Variants in GLDN observed in about 807,000 individuals in gnomAD.
GLDN encodes gliomedin.
GLDN carries 47 observed loss-of-function variants against 56.5 expected under a neutral mutation model. That is an observed-to-expected ratio of 0.83 (90% CI 0.66 to 1.06). The LOEUF (loss-of-function observed/expected upper bound fraction) is 1.06, where lower values mean the gene tolerates loss of function less well. Among genes scored for constraint, GLDN ranks in the 50% least tolerant of loss-of-function variants. GLDN has a pLI of 0.00. For missense variants in GLDN, 782 were observed against 714.3 expected (o/e 1.09, Z -1.08); for synonymous variants, 332 against 278.8 (o/e 1.19, Z -1.90).
At chr15:51,393,558 A>G (rs1398546392) in intron 4 of GLDN, among the ~76,000 whole-genome samples, 4 of 152,176 alleles carry the variant, frequency 2.6e-5, no homozygotes. Context: ...CTTCAGTCAC[A>G]GGTTCAAGGG....
intron 1 of GLDN, among the ~76,000 whole-genome samples, chr15:51,349,111 C>T (rs1332312215): frequency 2.6e-5 from 4 of 152,138 alleles, no homozygotes; most frequent in Non-Finnish European, 5.9e-5. Context: ...TCCCAGCAGG[C>T]GATTACAGCT....
chr15:51,375,583 G>A lies in GLDN; in HGVS notation c.364-1866G>A, dbSNP rs115930420. ...GTGTGGAGAATGGGAAGGGGTATAC[G>A]GTGGGTGTGAGGCAGCCAGATGTTT... On this transcript the variant is annotated intron_variant, in intron 1 of 9. Transcript: ENST00000335449. Among the ~76,000 whole-genome samples, 751 of 152,232 alleles carry A rather than the reference G, an allele frequency of 4.9e-3. 7 individuals carry two copies. The highest frequency in any genetic ancestry group is 0.017 in the African/African-American group (704 of 41,524).
chr15:51,371,184 C>T (rs2037509563), intron 1 of GLDN, among the ~76,000 whole-genome samples: 1 of 152,140 alleles, frequency 6.6e-6, no homozygotes, highest in Admixed American at 6.5e-5. Context: ...CTGCATTTTG[C>T]TTTCGTCACT....
chr15:51,368,688 T>C (rs2037455499), intron 1 of GLDN, among the ~76,000 whole-genome samples: 2 of 152,014 alleles, frequency 1.3e-5, no homozygotes, highest in Admixed American at 1.3e-4. Context: ...GCAGAAAGTC[T>C]CAAATTTACA....
downstream of GLDN, among the ~76,000 whole-genome samples, chr15:51,411,035 G>C (rs981445118): frequency 5.9e-5 from 9 of 152,208 alleles, no homozygotes; most frequent in Non-Finnish European, 2.9e-5. Context: ...CGGTAGAAAG[G>C]AAGGCATTAG....
intron 9 of GLDN, 99 bp from the exon 10 acceptor site, chr15:51,404,178 C>T (rs1038606058): frequency 5.5e-6 from 5 of 916,906 alleles, no homozygotes; most frequent in African/African-American, 1.7e-5. Flanking sequence ...CCAGCCCTCA[C>T]CCCAGACCCA....
chr15:51,348,192 C>T (rs558849071), intron 1 of GLDN, among the ~76,000 whole-genome samples: 1 of 152,284 alleles, frequency 6.6e-6, no homozygotes, highest in African/African-American at 2.4e-5. Flanking sequence ...AGGGACTGCA[C>T]CCACCTGAGG....
chr15:51,348,962 T>C (rs1357666640), intron 1 of GLDN, among the ~76,000 whole-genome samples: 2 of 152,214 alleles, frequency 1.3e-5, no homozygotes, highest in South Asian at 2.1e-4. Flanking sequence ...TTGAGGTCGA[T>C]GTGGTTTTTT....
chr15:51,355,811 C>T (rs1199470618), intron 1 of GLDN, among the ~76,000 whole-genome samples: 2 of 150,530 alleles, frequency 1.3e-5, no homozygotes, highest in Admixed American at 6.6e-5. Context: ...GCGTGAGCCA[C>T]CACACCCGGC....
intron 9 of GLDN, among the ~76,000 whole-genome samples, chr15:51,403,731 T>C (rs1363723874): frequency 6.6e-6 from 1 of 152,192 alleles, no homozygotes; most frequent in Non-Finnish European, 1.5e-5. Flanking sequence ...GCTGTGAAAC[T>C]CTTTTTTTAA....
chr15:51,394,829 G>A lies in GLDN; in HGVS notation c.542-6G>A. On this transcript the variant is annotated splice_polypyrimidine_tract_variant and splice_region_variant and intron_variant, in intron 4 of 9. Coordinates refer to ENST00000335449, the MANE Select transcript of GLDN (RefSeq NM_181789.4). ...AGGCTAATATGTCTTTTGTTTTTTTGGTCAGGGATACCTGGAGCTGCAGGA... is the reference window on the plus strand; with the variant it reads ...AGGCTAATATGTCTTTTGTTTTTTTAGTCAGGGATACCTGGAGCTGCAGGA... The A allele has an allele frequency of 2.5e-6, 4 of 1,612,744 alleles. No individual in the cohort carries two copies. Among genetic ancestry groups the A allele is most frequent in the Non-Finnish European group, 3.4e-6 (4 of 1,179,544 alleles).
At chr15:51,382,833 C>T (rs921414665) in intron 2 of GLDN, among the ~76,000 whole-genome samples, 1 of 152,166 alleles carries the variant, frequency 6.6e-6, no homozygotes, top group Non-Finnish European at 1.5e-5. Flanking sequence ...CAATAAGACA[C>T]CCCTATTTGT....
At chr15:51,381,136 A>G (rs2037749142) in intron 2 of GLDN, among the ~76,000 whole-genome samples, 1 of 152,186 alleles carries the variant, frequency 6.6e-6, no homozygotes, top group Admixed American at 6.5e-5. Flanking sequence ...TCTAATCACC[A>G]CAGTGAGAGC....
At chr15:51,346,989 C>A (rs748419406) in intron 1 of GLDN, among the ~76,000 whole-genome samples, 8 of 152,250 alleles carry the variant, frequency 5.3e-5, no homozygotes, top group South Asian at 4.2e-4. Flanking sequence ...CCGCTTGAAC[C>A]CAGGAGATGG....
intron 2 of GLDN, 120 bp downstream of exon 2, chr15:51,377,620 C>A: frequency 1.5e-6 from 1 of 665,334 alleles, no homozygotes. Flanking sequence ...TTACTTTTAC[C>A]AGATGTTTTT....
intron 1 of GLDN, among the ~76,000 whole-genome samples, chr15:51,372,961 G>A (rs2037546535): frequency 6.6e-6 from 1 of 152,194 alleles, no homozygotes; most frequent in African/African-American, 2.4e-5. Flanking sequence ...AAGGGCAAGA[G>A]AGTGAACTCA....
intron 1 of GLDN, among the ~76,000 whole-genome samples, chr15:51,367,017 C>G (rs1328035807): frequency 6.6e-6 from 1 of 152,220 alleles, no homozygotes; most frequent in South Asian, 2.1e-4. Context: ...ATTTAATCCT[C>G]ATAGCCACTC....
chr15:51,397,883 T>TC (rs1229848180), intron 6 of GLDN, among the ~76,000 whole-genome samples: 1 of 151,954 alleles, frequency 6.6e-6, no homozygotes, highest in South Asian at 2.1e-4. Flanking sequence ...CCGCCATCCC[T>TC]CCCCCCTGAA....
chr15:51,411,856 C>G (rs982501568), downstream of GLDN, among the ~76,000 whole-genome samples: 1 of 152,176 alleles, frequency 6.6e-6, no homozygotes, highest in Non-Finnish European at 1.5e-5. Context: ...TCTGCCACCC[C>G]CTGGGATAAT....
Sources: allele counts gnomAD v4.1 joint callset (sites outside exome capture counted in the v4.1 genomes callset), GRCh38; gene constraint gnomAD v4.1.1; transcripts MANE v1.5; gene names NCBI Gene and HGNC (gene_info 2026-07-23, HGNC 2026-07-21).